RBFOX3: variants seen among roughly 807,000 people sequenced by gnomAD.
RBFOX3 encodes RNA binding protein fox-1 homolog 3.
A neutral mutation model predicts 48.7 loss-of-function variants in RBFOX3; 17 were observed. That is an observed-to-expected ratio of 0.35 (90% CI 0.24 to 0.52). RBFOX3 has a LOEUF of 0.52. RBFOX3 is among the 20% of genes least tolerant of loss of function. The probability of loss-of-function intolerance (pLI) is 0.94; values close to 1 mark genes in which losing one functional copy is unlikely to be tolerated. For missense variants in RBFOX3, 382 were observed against 497.5 expected (o/e 0.77, Z 2.21); for synonymous variants, 212 against 209.5 (o/e 1.01, Z -0.10).
At chr17:79,365,970 C>T (rs530871899) in intron 2 of RBFOX3, among the ~76,000 whole-genome samples, 9 of 152,356 alleles carry the variant, frequency 5.9e-5, no homozygotes, top group African/African-American at 1.2e-4. Context: ...GACCACGCCA[C>T]GGATGTCCTG....
chr17:79,563,344 G>A (rs1476816751), intron 1 of RBFOX3, among the ~76,000 whole-genome samples: 1 of 152,220 alleles, frequency 6.6e-6, no homozygotes, highest in African/African-American at 2.4e-5. Context: ...GCGGCCTGGT[G>A]AGGCAGGAAA....
chr17:79,531,360 C>T (rs2150084059), intron 1 of RBFOX3, among the ~76,000 whole-genome samples: 1 of 152,332 alleles, frequency 6.6e-6, no homozygotes, highest in South Asian at 2.1e-4. Context: ...AGGAGGGCGG[C>T]CCAGGCGAGC....
intron 1 of RBFOX3, among the ~76,000 whole-genome samples, chr17:79,516,314 G>A (rs2085244640): frequency 6.6e-6 from 1 of 152,210 alleles, no homozygotes; most frequent in Admixed American, 6.5e-5. Flanking sequence ...TCTATGAAAT[G>A]CCCACGTGTG....
intron 1 of RBFOX3, among the ~76,000 whole-genome samples, chr17:79,534,912 C>T (rs1555788353): frequency 6.6e-6 from 1 of 152,154 alleles, no homozygotes; most frequent in Non-Finnish European, 1.5e-5. Context: ...AGACTGGGCC[C>T]ACAGAGACAA....
the RBFOX3 span, among the ~76,000 whole-genome samples, chr17:79,657,022 T>G: frequency 6.6e-6 from 1 of 152,174 alleles, no homozygotes; most frequent in Non-Finnish European, 1.5e-5. Context: ...CCCTCTGCCC[T>G]GTTCCAACAG....
intron 1 of RBFOX3, among the ~76,000 whole-genome samples, chr17:79,573,993 G>A (rs2092772601): frequency 6.6e-6 from 1 of 152,224 alleles, no homozygotes; most frequent in Non-Finnish European, 1.5e-5. Context: ...CATGAAGAAG[G>A]GGTGCGAGCC....
At chr17:79,620,648 C>T in the RBFOX3 span, among the ~76,000 whole-genome samples, 2 of 31,586 alleles carry the variant, frequency 6.3e-5, no homozygotes, top group African/African-American at 6.2e-5. Flanking sequence ...CGCACACACA[C>T]GGACATGCAC....
At chr17:79,571,641 T>A (rs2092682243) in intron 1 of RBFOX3, among the ~76,000 whole-genome samples, 1 of 151,846 alleles carries the variant, frequency 6.6e-6, no homozygotes. Context: ...ACAGTTTTAA[T>A]TAAGCTTTGA....
chr17:79,612,087 C>T (rs2093973929), upstream of RBFOX3, among the ~76,000 whole-genome samples: 1 of 152,170 alleles, frequency 6.6e-6, no homozygotes, highest in South Asian at 2.1e-4. Flanking sequence ...CTGGGGTCAG[C>T]CCACCACTGG....
At chr17:79,097,667 A>AACCCCCCCC in intron 10 of RBFOX3, 25 bp downstream of exon 10, 5 of 1,031,784 alleles carry the variant, frequency 4.8e-6, no homozygotes, top group Non-Finnish European at 6.6e-6. Context: ...GTCTCATCCC[A>AACCCCCCCC]TCCCCGCCCC....
At chr17:79,438,670 C>T (rs1717610925) in intron 2 of RBFOX3, among the ~76,000 whole-genome samples, 1 of 152,198 alleles carries the variant, frequency 6.6e-6, no homozygotes, top group African/African-American at 2.4e-5. Flanking sequence ...GGGGTCTCCC[C>T]AGGGGCCAGC....
chr17:79,323,444 C>T lies in RBFOX3; in HGVS notation c.-174-15620G>A, dbSNP rs73423407. Reference sequence around the variant, plus strand: ...GAGATGGAGACACGAGAGATGGTTGCGAGAGGTCCACTGTTTTGTGAAGTG... The same window carrying T: ...GAGATGGAGACACGAGAGATGGTTGTGAGAGGTCCACTGTTTTGTGAAGTG... On this transcript the variant is annotated intron_variant, in intron 2 of 14. Coordinates refer to ENST00000693108, the MANE Select transcript of RBFOX3 (RefSeq NM_001350451.2). Among the ~76,000 whole-genome samples the T allele has an allele frequency of 8.3e-4, 127 of 152,270 alleles. 1 individual carries two copies. Among genetic ancestry groups the T allele is most frequent in the African/African-American group, 2.8e-3 (117 of 41,564 alleles).
intron 2 of RBFOX3, among the ~76,000 whole-genome samples, chr17:79,440,494 G>A (rs1046331077): frequency 2.0e-5 from 3 of 152,152 alleles, no homozygotes; most frequent in South Asian, 4.1e-4. Context: ...CAGGGGAGCC[G>A]AAGCCGGTGA....
intron 1 of RBFOX3, among the ~76,000 whole-genome samples, chr17:79,574,358 G>C (rs1016920319): frequency 5.3e-5 from 8 of 152,176 alleles, no homozygotes; most frequent in Non-Finnish European, 1.2e-4. Flanking sequence ...TGCTAAAACA[G>C]GATGCAGTAA....
rs2076870378 is a variant in RBFOX3 at position 79,103,729 on chromosome 17, C to T, written c.414+344G>A. 6.6e-6 allele frequency among the ~76,000 whole-genome samples: 1 copy of T among 152,128 alleles called. No homozygotes were observed. Among genetic ancestry groups the T allele is most frequent in the African/African-American group, 2.4e-5 (1 of 41,410 alleles). On this transcript the variant is annotated intron_variant, in intron 7 of 14. Transcript: ENST00000693108. This position sits in a 1 kb window ranked among gnomAD's most constrained non-coding sequence, Gnocchi z 6.1. ...GGGCTTGTCTCCGCCGGACACCCTC[C>T]CCAGCCTGCCCTCTCTGTAGCCCCT...
intron 4 of RBFOX3, among the ~76,000 whole-genome samples, chr17:79,175,906 G>A (rs2050434327): frequency 6.6e-6 from 1 of 152,216 alleles, no homozygotes; most frequent in African/African-American, 2.4e-5. Flanking sequence ...CAAGACGGCT[G>A]GTGGACTCCC....
intron 2 of RBFOX3, among the ~76,000 whole-genome samples, chr17:79,450,551 T>TTA (rs71710254): frequency 6.6e-6 from 1 of 151,608 alleles, no homozygotes; most frequent in African/African-American, 2.4e-5. Context: ...ATTTTTTTTT[T>TTA]TATATTATGA....
chr17:79,115,107 G>A (rs1427503774), intron 5 of RBFOX3, among the ~76,000 whole-genome samples: 3 of 152,324 alleles, frequency 2.0e-5, no homozygotes, highest in South Asian at 2.1e-4. Flanking sequence ...CCCTCCGCCC[G>A]TCTCCTTCAC....
At chr17:79,171,454 G>A (rs549606852) in intron 4 of RBFOX3, among the ~76,000 whole-genome samples, 62 of 152,180 alleles carry the variant, frequency 4.1e-4, no homozygotes, top group African/African-American at 1.4e-3. Context: ...TTCTGCCGTC[G>A]CCAGGCAAAA....
Sources: allele counts gnomAD v4.1 joint callset (sites outside exome capture counted in the v4.1 genomes callset), GRCh38; gene constraint gnomAD v4.1.1; non-coding constraint Gnocchi (gnomAD v3.1); transcripts MANE v1.5; gene names NCBI Gene and HGNC (gene_info 2026-07-23, HGNC 2026-07-21).